Variants in PPFIA2 observed in about 807,000 individuals in gnomAD.
PPFIA2 encodes the protein liprin-alpha-2.
PPFIA2 carries 46 observed loss-of-function variants against 175.5 expected under a neutral mutation model. The ratio of observed to expected loss-of-function variants is 0.26; its 90% CI spans 0.21 to 0.34. PPFIA2 has a LOEUF of 0.34. Ranked by LOEUF, PPFIA2 falls within the 10% of genes least tolerant of loss-of-function variation. PPFIA2 has a pLI of 1.00. For missense variants in PPFIA2, 1,179 were observed against 1,506.1 expected (o/e 0.78, Z 3.60); for synonymous variants, 568 against 511.4 (o/e 1.11, Z -1.49).
chr12:81,562,412 G>C (rs1483223724), intron 4 of PPFIA2, among the ~76,000 whole-genome samples: 1 of 152,114 alleles, frequency 6.6e-6, no homozygotes, highest in East Asian at 1.9e-4. Flanking sequence ...TTACTGCCAA[G>C]TGTTTATTTT....
chr12:81,274,904 G>C (rs530148423), intron 28 of PPFIA2, among the ~76,000 whole-genome samples: 1 of 152,022 alleles, frequency 6.6e-6, no homozygotes, highest in Non-Finnish European at 1.5e-5. Flanking sequence ...TTTCCTCAGA[G>C]CTACACTCTA....
intron 21 of PPFIA2, among the ~76,000 whole-genome samples, chr12:81,328,930 A>C (rs549027590): frequency 6.6e-6 from 1 of 151,034 alleles, no homozygotes; most frequent in African/African-American, 2.4e-5. Context: ...CCTCCTCCCA[A>C]GTAGCTGGGA....
intron 4 of PPFIA2, among the ~76,000 whole-genome samples, chr12:81,659,082 G>A (rs1185459383): frequency 6.6e-6 from 1 of 151,946 alleles, no homozygotes; most frequent in Non-Finnish European, 1.5e-5. Flanking sequence ...TACAACGGAG[G>A]GCGGTTCCAA....
At chr12:81,721,142 T>C (rs1430905691) in intron 3 of PPFIA2, among the ~76,000 whole-genome samples, 1 of 150,694 alleles carries the variant, frequency 6.6e-6, no homozygotes, top group East Asian at 2.0e-4. Flanking sequence ...ACATTAATAT[T>C]ACAGAAAAGG....
rs1252125868 is a variant in PPFIA2, at chr12:81,349,091, T to C, written c.1995-1321A>G. 2.0e-5 allele frequency among the ~76,000 whole-genome samples: 3 copies of C among 152,308 alleles called. No individual in the cohort carries two copies. In the East Asian group the frequency reaches 5.8e-4, roughly 29 times the overall value. Reference sequence around the variant, plus strand: ...TCTGGTGTACGTTTACTATGGGAAGTTGAGCTACATTTACTCACCTGTTTT... The same window carrying C: ...TCTGGTGTACGTTTACTATGGGAAGCTGAGCTACATTTACTCACCTGTTTT... On this transcript the variant is annotated intron_variant, in intron 17 of 32. Transcript: ENST00000549396.
chr12:81,716,199 A>G (rs886144085), intron 3 of PPFIA2, among the ~76,000 whole-genome samples: 1 of 151,700 alleles, frequency 6.6e-6, no homozygotes, highest in African/African-American at 2.4e-5. Context: ...TAAATACATA[A>G]AGTTTGTTCT....
intron 4 of PPFIA2, among the ~76,000 whole-genome samples, chr12:81,508,970 T>C (rs899482523): frequency 4.6e-5 from 7 of 151,990 alleles, no homozygotes; most frequent in African/African-American, 1.7e-4. Flanking sequence ...CCAACAACGA[T>C]AGACTGGATT....
chr12:81,465,168 C>T (rs1215390109), intron 4 of PPFIA2: 1 of 152,100 alleles, frequency 6.6e-6, no homozygotes, highest in African/African-American at 2.4e-5. Context: ...CTTTACCTTT[C>T]AATTAAACCT....
At chr12:81,445,857 A>G (rs2145289438) in intron 5 of PPFIA2, 137 bp from the exon 6 acceptor site, 1 of 706,628 alleles carries the variant, frequency 1.4e-6, no homozygotes, top group South Asian at 2.2e-5. Context: ...GCAGCAACAA[A>G]GAAGCACAGA....
In PPFIA2 at chr12:81,344,442, A is replaced by G. The variant is rs200550492; in HGVS notation, c.2262+222T>C. ...GTTTAAATATTCAATGGAAAACAGG[A>G]TATTATGGTTCTTATAATCTAATTA... On this transcript the variant is annotated intron_variant, in intron 19 of 32. Coordinates refer to ENST00000549396, the MANE Select transcript of PPFIA2 (RefSeq NM_003625.5). Among the ~76,000 whole-genome samples, 12 of 151,364 alleles carry G rather than the reference A, an allele frequency of 7.9e-5. No homozygotes were observed. The East Asian group carries it at 2.3e-3, about 29-fold the overall frequency.
intron 4 of PPFIA2, among the ~76,000 whole-genome samples, chr12:81,566,641 G>C (rs1595035547): frequency 2.0e-5 from 3 of 151,872 alleles, no homozygotes; most frequent in South Asian, 4.2e-4. Context: ...GCATTAGAGA[G>C]TGCTCACTTC....
chr12:81,584,634 C>T (rs2074915987), intron 4 of PPFIA2, among the ~76,000 whole-genome samples: 1 of 150,530 alleles, frequency 6.6e-6, no homozygotes, highest in Non-Finnish European at 1.5e-5. Context: ...GCCTATATGG[C>T]ATAGCTTACT....
intron 4 of PPFIA2, among the ~76,000 whole-genome samples, chr12:81,479,098 C>T (rs930100583): frequency 2.0e-5 from 3 of 152,146 alleles, no homozygotes; most frequent in Non-Finnish European, 2.9e-5. Context: ...AATCTGGGTG[C>T]TCCTGTATTG....
intron 22 of PPFIA2, among the ~76,000 whole-genome samples, chr12:81,312,712 G>A (rs1489418812): frequency 6.6e-6 from 1 of 152,098 alleles, no homozygotes; most frequent in Admixed American, 6.6e-5. Flanking sequence ...ACACAGTTTG[G>A]TCAAAATTAT....
intron 4 of PPFIA2, among the ~76,000 whole-genome samples, chr12:81,623,486 T>G (rs2062314886): frequency 6.6e-6 from 1 of 152,024 alleles, no homozygotes; most frequent in African/African-American, 2.4e-5. Context: ...CACATTTGTA[T>G]AAGACTGAAA....
chr12:81,720,609 T>C (rs1392891365), intron 3 of PPFIA2, among the ~76,000 whole-genome samples: 1 of 151,318 alleles, frequency 6.6e-6, no homozygotes, highest in Non-Finnish European at 1.5e-5. Context: ...GTGACTCAAA[T>C]TAGGCTGCCT....
rs1228802592 is a variant in PPFIA2, at chr12:81,453,155, C to G, written c.405+4610G>C. On this transcript the variant is annotated intron_variant, in intron 5 of 32. Coordinates refer to ENST00000549396, the MANE Select transcript of PPFIA2 (RefSeq NM_003625.5). ...TGCTATCCCTCCCCCCTCCCCCCACCCCACCACAGTCCCCAGAGTGTGATA... is the reference window on the plus strand; with the variant it reads ...TGCTATCCCTCCCCCCTCCCCCCACGCCACCACAGTCCCCAGAGTGTGATA... Among the ~76,000 whole-genome samples, 58 of 118,250 alleles carry G rather than the reference C, an allele frequency of 4.9e-4. 1 individual carries two copies. In the East Asian group the frequency reaches 0.016, roughly 33 times the overall value. The allele number at this position is 118,250 out of a possible 152,430, so 77.6% of individuals were successfully genotyped here.
chr12:81,354,600 T>A lies in PPFIA2; in HGVS notation c.1774-1261A>T, dbSNP rs563927678. 1.1e-4 allele frequency among the ~76,000 whole-genome samples: 17 copies of A among 152,240 alleles called. 1 individual carries two copies. In the South Asian group the frequency reaches 1.2e-3, roughly 11 times the overall value. On this transcript the variant is annotated intron_variant, in intron 16 of 32. Transcript: ENST00000549396. ...CACAGAAGTATTGAGCCCTTCAAAG[T>A]CATCCATGAGGGTTAAAATCAATGT...
chr12:81,537,843 T>TA (rs904577473), intron 4 of PPFIA2, among the ~76,000 whole-genome samples: 3 of 151,828 alleles, frequency 2.0e-5, no homozygotes, highest in African/African-American at 7.2e-5. Context: ...ACTGGCTGGC[T>TA]AAAAGGAATC....
Sources: allele counts gnomAD v4.1 joint callset (sites outside exome capture counted in the v4.1 genomes callset), GRCh38; gene constraint gnomAD v4.1.1; transcripts MANE v1.5; gene names NCBI Gene and HGNC (gene_info 2026-07-23, HGNC 2026-07-21).